Variants in MOB3B observed in about 807,000 individuals in gnomAD.
The protein encoded by MOB3B is MOB kinase activator-like 2B.
A neutral mutation model predicts 18.7 loss-of-function variants in MOB3B; 7 were observed. That is an observed-to-expected ratio of 0.37 (90% confidence interval 0.21 to 0.70). MOB3B has a LOEUF of 0.70. Among genes scored for constraint, MOB3B ranks in the 30% least tolerant of loss-of-function variants. The probability of loss-of-function intolerance (pLI) is 0.52; values close to 1 mark genes in which losing one functional copy is unlikely to be tolerated. For missense variants in MOB3B, 253 were observed against 281.3 expected (o/e 0.90, Z 0.72); for synonymous variants, 111 against 99.9 (o/e 1.11, Z -0.66).
chr9:27,366,701 C>T (rs1230701838), intron 2 of MOB3B, among the ~76,000 whole-genome samples: 3 of 152,168 alleles, frequency 2.0e-5, no homozygotes, highest in Non-Finnish European at 4.4e-5. Context: ...GAATGAGACT[C>T]TGATCTGTGA....
At chr9:27,341,914 T>G (rs1228935606) in intron 3 of MOB3B, among the ~76,000 whole-genome samples, 1 of 152,222 alleles carries the variant, frequency 6.6e-6, no homozygotes, top group Non-Finnish European at 1.5e-5. Context: ...ATGGGTCAAA[T>G]CCAGTCCACA....
intron 2 of MOB3B, among the ~76,000 whole-genome samples, chr9:27,370,370 T>C (rs981395492): frequency 6.6e-6 from 1 of 152,032 alleles, no homozygotes; most frequent in Non-Finnish European, 1.5e-5. Context: ...TAGCCGGGCA[T>C]GGTGGTGCAT....
intron 2 of MOB3B, among the ~76,000 whole-genome samples, chr9:27,376,662 T>C (rs556381991): frequency 2.0e-5 from 3 of 152,386 alleles, no homozygotes; most frequent in East Asian, 3.9e-4. Context: ...ATGATTCTAA[T>C]GTACAGCCCT....
chr9:27,498,240 A>G (rs1819930519), intron 1 of MOB3B, among the ~76,000 whole-genome samples: 1 of 152,226 alleles, frequency 6.6e-6, no homozygotes, highest in Non-Finnish European at 1.5e-5. Flanking sequence ...GAGTAACAAC[A>G]GTGCTAAAAG....
intron 2 of MOB3B, among the ~76,000 whole-genome samples, chr9:27,405,253 A>C (rs1821949549): frequency 1.3e-5 from 2 of 151,672 alleles, no homozygotes; most frequent in African/African-American, 4.8e-5. Context: ...GATTACAGGC[A>C]TATGCCACCA....
chr9:27,395,371 T>C (rs1320442444), intron 2 of MOB3B, among the ~76,000 whole-genome samples: 1 of 152,196 alleles, frequency 6.6e-6, no homozygotes, highest in Admixed American at 6.5e-5. Context: ...CATTCCACGA[T>C]GTAAACATAT....
intron 2 of MOB3B, among the ~76,000 whole-genome samples, chr9:27,404,514 C>A (rs981630125): frequency 6.6e-6 from 1 of 151,754 alleles, no homozygotes; most frequent in Admixed American, 6.6e-5. Context: ...TGCACCACCA[C>A]GCCTGGCTAA....
At chr9:27,465,530 C>T (rs193267389) in intron 1 of MOB3B, among the ~76,000 whole-genome samples, 2 of 152,294 alleles carry the variant, frequency 1.3e-5, no homozygotes, top group Admixed American at 6.5e-5. Flanking sequence ...GACGATGGCC[C>T]TCTTCTTACA....
At chr9:27,402,165 G>A (rs1053717203) in intron 2 of MOB3B, among the ~76,000 whole-genome samples, 1 of 152,220 alleles carries the variant, frequency 6.6e-6, no homozygotes, top group African/African-American at 2.4e-5. Context: ...ACATATTCCT[G>A]TGTCTGGCAT....
rs1820502799 is a variant in MOB3B at position 27,529,777 on chromosome 9, T to C, written c.-421A>G. 9 of 985,252 alleles carry C rather than the reference T, an allele frequency of 9.1e-6. No individual in the cohort carries two copies. Among genetic ancestry groups the C allele is most frequent in the Middle Eastern group, 5.2e-4 (1 of 1,912 alleles). The allele number at this position is 985,252 out of a possible 1,614,324, so 61.0% of individuals were successfully genotyped here. A position where few individuals can be genotyped will look rare whatever the true frequency, so the allele number is the denominator to read the frequency against. ...CCGTCGCTCCGGAGCAGCCCCCTCA[T>C]GCACCCAGCGCGCCGCGCAGCCGGC... is the stretch of plus-strand genomic sequence containing the variant. On this transcript the variant is annotated 5_prime_UTR_variant, in exon 1 of 4. The change abolishes an upstream ATG in the 5' untranslated region. Transcript: ENST00000262244.
intron 2 of MOB3B, among the ~76,000 whole-genome samples, chr9:27,434,960 G>T (rs1026624472): frequency 6.6e-6 from 1 of 151,966 alleles, no homozygotes; most frequent in Admixed American, 6.6e-5. Flanking sequence ...TGATTATTTT[G>T]AAAAACTGTA....
At chr9:27,475,827 T>C (rs909067783) in intron 1 of MOB3B, among the ~76,000 whole-genome samples, 1 of 152,190 alleles carries the variant, frequency 6.6e-6, no homozygotes, top group African/African-American at 2.4e-5. Context: ...CCACCACAAC[T>C]ACTCTTGTCC....
intron 3 of MOB3B, among the ~76,000 whole-genome samples, chr9:27,340,602 C>CT (rs200435026): frequency 3.3e-4 from 50 of 151,216 alleles, no homozygotes; most frequent in African/African-American, 7.0e-4. Flanking sequence ...CAACTCTGTG[C>CT]TTTTTTTTTA....
chr9:27,391,526 T>C (rs1461645120), intron 2 of MOB3B, among the ~76,000 whole-genome samples: 1 of 152,218 alleles, frequency 6.6e-6, no homozygotes, highest in East Asian at 1.9e-4. Context: ...GCTGAAAACG[T>C]TTGGAAACCA....
intron 2 of MOB3B, among the ~76,000 whole-genome samples, chr9:27,436,011 C>T (rs1460138667): frequency 9.2e-5 from 14 of 152,134 alleles, no homozygotes; most frequent in Non-Finnish European, 1.8e-4. Context: ...TTCTTTTAGT[C>T]CTTCAGGGAT....
At chr9:27,418,300 C>T (rs10757658) in intron 2 of MOB3B, among the ~76,000 whole-genome samples, 89,341 of 151,620 alleles carry the variant, frequency 0.59, 26,753 homozygotes, top group Admixed American at 0.7. Context: ...CACTATTTTG[C>T]AAGATAAAGA....
intron 2 of MOB3B, among the ~76,000 whole-genome samples, chr9:27,386,757 G>C (rs537377866): frequency 9.2e-5 from 14 of 152,320 alleles, no homozygotes; most frequent in African/African-American, 3.4e-4. Context: ...AAAATGTCAT[G>C]AACTTATCTT....
intron 2 of MOB3B, chr9:27,378,218 A>G (rs1821519625): frequency 5.3e-6 from 2 of 377,932 alleles, no homozygotes. Context: ...TCTGACCTAC[A>G]CAATGAGTAG....
intron 1 of MOB3B, among the ~76,000 whole-genome samples, chr9:27,489,338 G>A (rs1819779009): frequency 6.6e-6 from 1 of 152,164 alleles, no homozygotes; most frequent in Non-Finnish European, 1.5e-5. Flanking sequence ...TCTCTGCAAA[G>A]GCTTCTGTCA....
Sources: gnomAD v4.1 joint callset for allele counts (sites outside exome capture counted in the v4.1 genomes callset) on GRCh38, gnomAD v4.1.1 for gene constraint, MANE v1.5 for transcripts, NCBI Gene and HGNC (gene_info 2026-07-23, HGNC 2026-07-21) for gene names.